SH2D2A: variants seen among roughly 807,000 people sequenced by gnomAD.
SH2D2A encodes SH2 domain containing 2A, also known as SH2 domain-containing protein 2A.
Under a neutral mutation model 43.6 loss-of-function variants are expected in SH2D2A, and 33 were observed. The ratio of observed to expected loss-of-function variants is 0.76; its 90% CI spans 0.57 to 1.01. The LOEUF is 1.01. SH2D2A is among the 50% of genes least tolerant of loss of function. The pLI is 0.00. For missense variants in SH2D2A, 491 were observed against 503.1 expected, an observed-to-expected ratio of 0.98 and a Z score of 0.23; for synonymous variants, 212 against 206.1, an observed-to-expected ratio of 1.03 and a Z score of -0.25.
chr1:156,812,556 A>C (rs1002240089), intron 5 of SH2D2A, among the ~76,000 whole-genome samples: 3 of 152,150 alleles, frequency 2.0e-5, no homozygotes, highest in Non-Finnish European at 1.5e-5. Flanking sequence ...ACAGGCCTCT[A>C]TTCAGATGTC....
At position 156,815,205 on chromosome 1, in the gene SH2D2A, G is replaced by A. The variant is rs763391895; in HGVS notation, c.140C>T (p.Pro47Leu). The A allele has an allele frequency of 1.9e-5, 29 of 1,538,960 alleles. No homozygotes were observed. The highest frequency in any genetic ancestry group is 3.7e-5 in the South Asian group (3 of 80,800). The change falls in exon 3 of 9, where the codon CCG becomes CTG. Residue 47 changes from proline (P) to leucine (L), a missense_variant. Pro to Leu is a moderately conservative substitution (Grantham distance 98, BLOSUM62 -3). Coordinates refer to ENST00000368199, the MANE Select transcript of SH2D2A (RefSeq NM_003975.4). ...LGYTAASPQA[P>L]EAASNTGNAE... ...ATTCCCTGTGTTGGAGGCAGCCTCC[G>A]GGGCCTGGGGAGATGCCTGGATCAG...
At position 156,809,639 on chromosome 1, in the gene SH2D2A, C is replaced by T; in HGVS notation, c.714+22G>A. 1 of 1,599,982 alleles carries T rather than the reference C, an allele frequency of 6.3e-7. No individual in the cohort carries two copies. The highest frequency in any genetic ancestry group is 8.5e-7 in the Non-Finnish European group (1 of 1,174,382). ...CCTCGCAGGCCTGTCCTCCCACTCC[C>T]TCAGCCCCTGCAGCCCAATACCTCC... On this transcript the variant is annotated intron_variant, in intron 6 of 8. Coordinates refer to ENST00000368199, the MANE Select transcript of SH2D2A (RefSeq NM_003975.4). The surrounding 1 kb of genome is among the most constrained non-coding windows in gnomAD (Gnocchi z 4.8).
intron 5 of SH2D2A, among the ~76,000 whole-genome samples, chr1:156,812,108 T>C (rs1653460272): frequency 1.3e-5 from 2 of 151,892 alleles, no homozygotes; most frequent in Admixed American, 1.3e-4. Context: ...CTTTTCACAC[T>C]CCTCATCCAA....
intron 5 of SH2D2A, among the ~76,000 whole-genome samples, chr1:156,812,539 A>G (rs1391264990): frequency 6.6e-6 from 1 of 152,106 alleles, no homozygotes; most frequent in Non-Finnish European, 1.5e-5. Flanking sequence ...CTCTTCTCCT[A>G]TTTCATACAG....
rs1182852232 is a variant in SH2D2A at position 156,816,043 on chromosome 1, A to G, written c.86T>C (p.Met29Thr). Reference sequence around the variant, plus strand: ...CAGGTTCTGGCAGCTCCTGCGGGTCATGTCTGTGATCTGGAAGGTGCTGAA... The same window carrying G: ...CAGGTTCTGGCAGCTCCTGCGGGTCGTGTCTGTGATCTGGAAGGTGCTGAA... ...PTFSTFQITD[M>T]TRRSCQNLGY... The change falls in exon 2 of 9, where the codon ATG becomes ACG. Residue 29 changes from methionine to threonine, a missense_variant. Coordinates refer to ENST00000368199, the MANE Select transcript of SH2D2A (RefSeq NM_003975.4). The G allele has an allele frequency of 1.2e-6, 2 of 1,613,888 alleles. No homozygotes were observed. Among genetic ancestry groups the G allele is most frequent in the Non-Finnish European group, 1.7e-6 (2 of 1,179,974 alleles).
chr1:156,814,702 G>C, intron 3 of SH2D2A: 3 of 397,712 alleles, frequency 7.5e-6, no homozygotes, highest in East Asian at 4.0e-5. Flanking sequence ...TGGAAGAAGA[G>C]AGGGCTGGGA....
In SH2D2A at chr1:156,807,440, G is replaced by A; in HGVS notation, c.1003-95C>T. ...AGACATCTGATCTGAACAGACTTTG[G>A]CTTCCAGAGAGGGTATCTAAACTCC... On this transcript the variant is annotated intron_variant, in intron 7 of 8. Coordinates refer to ENST00000368199, the MANE Select transcript of SH2D2A (RefSeq NM_003975.4). The surrounding 1 kb of genome is among the most constrained non-coding windows in gnomAD (Gnocchi z 5.1). The A allele has an allele frequency of 1.8e-6, 2 of 1,120,596 alleles. No homozygotes were observed. Among genetic ancestry groups the A allele is most frequent in the Non-Finnish European group, 2.5e-6 (2 of 815,612 alleles). 69.4% of individuals were successfully genotyped at this position (1,120,596 alleles called of 1,614,324 possible).
intron 5 of SH2D2A, among the ~76,000 whole-genome samples, chr1:156,811,354 C>T (rs1213299588): frequency 6.6e-6 from 1 of 152,240 alleles, no homozygotes; most frequent in Non-Finnish European, 1.5e-5. Flanking sequence ...GCAGAGCAAT[C>T]TTACAGAAAC....
chr1:156,816,475 C>T (rs1448794899), intron 1 of SH2D2A, among the ~76,000 whole-genome samples, 200 bp downstream of exon 1: 4 of 152,224 alleles, frequency 2.6e-5, no homozygotes, highest in South Asian at 4.1e-4. Context: ...CCTCAACAAA[C>T]CCTGTCACCT....
chr1:156,815,052 C>A lies in SH2D2A; in HGVS notation c.293G>T (p.Gly98Val). The A allele has an allele frequency of 6.4e-7, 1 of 1,567,076 alleles. No individual in the cohort carries two copies. Reference protein sequence around the residue: ...QHGAAPAWFHGFITRREAERL... With the variant: ...QHGAAPAWFHVFITRREAERL... ...CATGACTCACCTCCGGGTGATGAAG[C>A]CATGGAACCAGGCAGGGGCTGCCCC... Residue 98 changes from glycine to valine, a missense_variant, in exon 3 of 9, where the codon GGC (glycine) becomes GTC (valine). Transcript: ENST00000368199.
intron 7 of SH2D2A, among the ~76,000 whole-genome samples, chr1:156,808,291 T>A (rs1653118687): frequency 6.6e-6 from 1 of 151,846 alleles, no homozygotes; most frequent in South Asian, 2.1e-4. Flanking sequence ...AGCTGGAGAG[T>A]TAGCAATCAG....
intron 5 of SH2D2A, among the ~76,000 whole-genome samples, chr1:156,811,048 G>A (rs967224465): frequency 2.6e-5 from 4 of 152,098 alleles, no homozygotes; most frequent in African/African-American, 7.2e-5. Context: ...GATATACTGT[G>A]GAAATCAAAG....
At position 156,809,567 on chromosome 1, in the gene SH2D2A, A is replaced by C; in HGVS notation, c.715-77T>G. On this transcript the variant is annotated intron_variant, in intron 6 of 8. Coordinates refer to ENST00000368199, the MANE Select transcript of SH2D2A (RefSeq NM_003975.4). The surrounding 1 kb of genome is among the most constrained non-coding windows in gnomAD (Gnocchi z 4.8). ...AAGCCCCAGCCTAACTCCCAGCCTG[A>C]GCCTCTGCCCCCGCTAGGCCCCTCC... 6.4e-7 allele frequency: 1 copy of C among 1,553,532 alleles called. No homozygotes were observed. Among genetic ancestry groups the C allele is most frequent in the Non-Finnish European group, 8.7e-7 (1 of 1,150,036 alleles).
chr1:156,815,799 G>A, intron 2 of SH2D2A: 1 of 1,614,102 alleles, frequency 6.2e-7, no homozygotes, highest in Non-Finnish European at 8.5e-7. Flanking sequence ...GGGCCTAGGA[G>A]CAGTAAGGGA....
At chr1:156,808,837 C>G (rs931973133) in intron 7 of SH2D2A, among the ~76,000 whole-genome samples, 1 of 152,162 alleles carries the variant, frequency 6.6e-6, no homozygotes, top group Admixed American at 6.5e-5. Flanking sequence ...CAGAGAGGCA[C>G]GGGGTGGGGT....
At chr1:156,816,161 C>A (rs558977082) in intron 1 of SH2D2A, 67 bp from the exon 2 acceptor site, 1,137 of 1,529,100 alleles carry the variant, frequency 7.4e-4, no homozygotes, top group Non-Finnish European at 9.5e-4. Flanking sequence ...GCCTCCCACC[C>A]CTCCTCCCAG....
Position 156,811,181 on chromosome 1 carries a change from C to T in SH2D2A, c.568-1374G>A, listed in dbSNP as rs74362530. On this transcript the variant is annotated intron_variant, in intron 5 of 8. Coordinates refer to ENST00000368199, the MANE Select transcript of SH2D2A (RefSeq NM_003975.4). ...TCATCCTTGATGCCTCCACCTCCTC[C>T]CTCTTGACATGAAATCAAACACAAG... 4.3e-3 allele frequency among the ~76,000 whole-genome samples: 658 copies of T among 152,312 alleles called. 7 individuals are homozygous for T. Among genetic ancestry groups the T allele is most frequent in the African/African-American group, 0.015 (637 of 41,564 alleles).
Position 156,813,893 on chromosome 1 carries a change from C to T in SH2D2A, c.522G>A (p.Pro174=), listed in dbSNP as rs1653612629. ...QDLLLHYTAH[P]LSPYGETLTE... is the part of the protein sequence containing the mutation. The stretch of plus-strand genomic sequence containing the variant: ...TGAGCGTCTCCCCGTAGGGGCTGAG[C>T]GGGTGCGCGGTGTAGTGCAGCAGCA... Residue 174 remains proline, a synonymous_variant, in exon 5 of 9, where the codon CCG becomes CCA. Transcript: ENST00000368199. 1.9e-6 allele frequency: 3 copies of T among 1,540,870 alleles called. No homozygotes were observed. Among genetic ancestry groups the T allele is most frequent in the Non-Finnish European group, 2.6e-6 (3 of 1,147,348 alleles).
chr1:156,815,856 T>A (rs371878969), intron 2 of SH2D2A, 150 bp downstream of exon 2: 5 of 1,580,976 alleles, frequency 3.2e-6, no homozygotes, highest in Non-Finnish European at 4.3e-6. Context: ...TCATTTTCGT[T>A]CTCTCTCTCT....
Sources: allele counts gnomAD v4.1 joint callset (sites outside exome capture counted in the v4.1 genomes callset), GRCh38; gene constraint gnomAD v4.1.1; non-coding constraint Gnocchi (gnomAD v3.1); transcripts MANE v1.5; gene names NCBI Gene and HGNC (gene_info 2026-07-23, HGNC 2026-07-21).